The following MRPL37 variants were observed in gnomAD, a reference collection of about 807,000 sequenced individuals.
MRPL37 encodes the protein mitochondrial ribosomal protein L37, also known as large ribosomal subunit protein mL37.
In MRPL37, 34 loss-of-function variants were observed where a neutral mutation model predicts 44.1. The ratio of observed to expected loss-of-function variants is 0.77; its 90% confidence interval spans 0.59 to 1.03. The LOEUF (loss-of-function observed/expected upper bound fraction) is 1.03. MRPL37 is among the 50% of genes least tolerant of loss of function. MRPL37 has a pLI of 0.00. For synonymous variants in MRPL37, 212 were observed against 219.5 expected, an observed-to-expected ratio of 0.97 and a Z score of 0.30; for missense variants, 532 against 543.7, an observed-to-expected ratio of 0.98 and a Z score of 0.21.
downstream of MRPL37, chr1:54,225,070 A>T: frequency 1.6e-6 from 2 of 1,233,138 alleles, no homozygotes; most frequent in Non-Finnish European, 2.0e-6. Context: ...CCTGGCCGAT[A>T]GCGACTCCCC....
intron 3 of MRPL37, among the ~76,000 whole-genome samples, chr1:54,208,548 CAAAAAAA>C (rs57185627): frequency 4.2e-5 from 3 of 70,954 alleles, no homozygotes; most frequent in African/African-American, 6.2e-5. Flanking sequence ...GACTCCGTCT[CAAAAAAA>C]AAAAAAAAAA....
downstream of MRPL37, among the ~76,000 whole-genome samples, chr1:54,222,630 C>G (rs1489619008): frequency 6.6e-6 from 1 of 152,132 alleles, no homozygotes; most frequent in Non-Finnish European, 1.5e-5. Flanking sequence ...TTGTGGGTCC[C>G]TCCTATTCCC....
rs755591723 is a variant in MRPL37 at position 54,216,215 on chromosome 1, A to T, written c.1065A>T (p.Leu355=). Residue 355 remains leucine (L), a synonymous_variant, in exon 6 of 7, where the codon CTA becomes CTT. Coordinates refer to ENST00000360840, the MANE Select transcript of MRPL37 (RefSeq NM_016491.4). ...CGGATGGACGTGTCTTCCATTTCCT[A>T]GTGTTTCAACTGAATACCACAGACC... ...VGTDGRVFHF[L]VFQLNTTDLD... The T allele has an allele frequency of 3.1e-6, 5 of 1,614,124 alleles. 1 individual carries two copies. The Middle Eastern group carries it at 8.2e-4, about 266-fold the overall frequency.
chr1:54,218,259 C>T lies in MRPL37; in HGVS notation c.*10C>T, dbSNP rs763894770. 1 of 1,614,166 alleles carries T rather than the reference C, an allele frequency of 6.2e-7. No individual in the cohort carries two copies. ...GCATGGTGCTGCGTGAGCGGAGGAC[C>T]CCTCTGAATCCTGAAACCCCTCTTG... On this transcript the variant is annotated 3_prime_UTR_variant, in exon 7 of 7. Coordinates refer to ENST00000360840, the MANE Select transcript of MRPL37 (RefSeq NM_016491.4).
intron 6 of MRPL37, 117 bp downstream of exon 6, chr1:54,216,461 C>A: frequency 8.3e-7 from 1 of 1,200,274 alleles, no homozygotes; most frequent in Non-Finnish European, 1.2e-6. Flanking sequence ...CTGGGGACTT[C>A]CCACCCGGGA....
intron 3 of MRPL37, among the ~76,000 whole-genome samples, chr1:54,206,921 G>A (rs142943237): frequency 7.1e-6 from 1 of 141,420 alleles, no homozygotes; most frequent in Non-Finnish European, 1.5e-5. Context: ...GTGTGTGTGT[G>A]TGTGTATTTT....
intron 5 of MRPL37, among the ~76,000 whole-genome samples, chr1:54,215,139 C>A (rs192030732): frequency 8.6e-4 from 131 of 152,324 alleles, no homozygotes; most frequent in African/African-American, 3.1e-3. Context: ...TATGATTTAT[C>A]TCCCAAACTG....
At chr1:54,211,178 T>C (rs1644161979) in intron 4 of MRPL37, among the ~76,000 whole-genome samples, 1 of 152,172 alleles carries the variant, frequency 6.6e-6, no homozygotes, top group African/African-American at 2.4e-5. Context: ...AGAAATGCTT[T>C]GGGATCTTCC....
At chr1:54,203,467 CTTTTTTTTTTTT>C (rs780467512) in intron 1 of MRPL37, among the ~76,000 whole-genome samples, 1 of 98,874 alleles carries the variant, frequency 1.0e-5, no homozygotes, top group Non-Finnish European at 2.0e-5. Context: ...ACTTCATTTA[CTTTTTTTTTTTT>C]TTTTTTTTTT....
chr1:54,218,930 C>G (rs1306196931), downstream of MRPL37, among the ~76,000 whole-genome samples: 1 of 152,202 alleles, frequency 6.6e-6, no homozygotes, highest in Non-Finnish European at 1.5e-5. Flanking sequence ...CTGTTCTGGG[C>G]CCTAAGAAGA....
In MRPL37 at chr1:54,200,353, C is replaced by G. The variant is rs768836635; in HGVS notation, c.110C>G (p.Ser37Cys). Residue 37 changes from serine to cysteine, a missense_variant, in exon 1 of 7, where the codon TCC becomes TGC. Physicochemically the swap from Ser to Cys is moderately radical, Grantham distance 112. Transcript: ENST00000360840. ...RRGAYEWGVR[S>C]TRKSEPPPLD... ...GGGGCGTATGAGTGGGGCGTGCGCT[C>G]CACGCGGAAGTCGGAGCCTCCTCCC... 6.2e-7 allele frequency: 1 copy of G among 1,614,146 alleles called. No individual in the cohort carries two copies. Among genetic ancestry groups the G allele is most frequent in the Non-Finnish European group, 8.5e-7 (1 of 1,180,020 alleles).
chr1:54,216,443 C>T, intron 6 of MRPL37, 99 bp downstream of exon 6: 1 of 1,391,312 alleles, frequency 7.2e-7, no homozygotes, highest in Non-Finnish European at 9.9e-7. Context: ...GTGAGGAGAG[C>T]CCTGGCCCTG....
intron 1 of MRPL37, among the ~76,000 whole-genome samples, chr1:54,202,441 A>G (rs1012460021): frequency 1.1e-4 from 17 of 152,108 alleles, no homozygotes; most frequent in African/African-American, 2.2e-4. Flanking sequence ...CCCCCAAAGT[A>G]TCTTAAGCTC....
chr1:54,221,832 G>A (rs1644236805), downstream of MRPL37, among the ~76,000 whole-genome samples: 1 of 152,096 alleles, frequency 6.6e-6, no homozygotes, highest in South Asian at 2.1e-4. Flanking sequence ...TCCTTTGGGG[G>A]CAGCCCATTT....
rs765251544 is a variant in MRPL37 at position 54,205,218 on chromosome 1, AAAG to A, written c.530+22_530+24del. The A allele has an allele frequency of 7.5e-6, 12 of 1,607,850 alleles. No homozygotes were observed. The highest frequency in any genetic ancestry group is 4.4e-5 in the South Asian group (4 of 90,882). ...GACCTACTGGTAAGTTCCCCCAAGT[AAAG>A]AAGATTTCCTACTAATGGATCTTCG... is the stretch of plus-strand genomic sequence containing the variant. On this transcript the variant is annotated intron_variant, in intron 2 of 6. Transcript: ENST00000360840.
At chr1:54,223,216 G>A (rs527698434), downstream of MRPL37, among the ~76,000 whole-genome samples, 619 of 152,292 alleles carry the variant, frequency 4.1e-3, 4 homozygotes, top group African/African-American at 0.014. Context: ...TGAGCCCAGG[G>A]CTGGGCAGAG....
downstream of MRPL37, among the ~76,000 whole-genome samples, chr1:54,223,822 C>T (rs1210981612): frequency 6.6e-6 from 1 of 152,210 alleles, no homozygotes; most frequent in Non-Finnish European, 1.5e-5. Context: ...CAGTATCTTT[C>T]CACTGGCTCA....
rs1252519702 is a variant in MRPL37 at position 54,212,526 on chromosome 1, C to G, written c.858C>G (p.Pro286=). The change falls in exon 5 of 7, where the codon CCC becomes CCG. Residue 286 remains proline (P), a synonymous_variant. Coordinates refer to ENST00000360840, the MANE Select transcript of MRPL37 (RefSeq NM_016491.4). The part of the protein sequence containing the change: ...DTGFQEGYPY[P]YPHTLYLLDK... The stretch of plus-strand genomic sequence containing the variant: ...GATTCCAGGAAGGCTATCCTTACCC[C>G]TATCCCCATACCCTGTACTTACTGG... 1 of 1,614,204 alleles carries G rather than the reference C, an allele frequency of 6.2e-7. No individual in the cohort carries two copies. Among genetic ancestry groups the G allele is most frequent in the Admixed American group, 1.7e-5 (1 of 60,022 alleles).
chr1:54,221,723 C>T (rs1053402074), downstream of MRPL37, among the ~76,000 whole-genome samples: 1 of 152,204 alleles, frequency 6.6e-6, no homozygotes, highest in African/African-American at 2.4e-5. Context: ...CACGTGTACA[C>T]GAGACCCATG....
Sources: allele counts gnomAD v4.1 joint callset (sites outside exome capture counted in the v4.1 genomes callset), GRCh38; gene constraint gnomAD v4.1.1; transcripts MANE v1.5; gene names NCBI Gene and HGNC (gene_info 2026-07-23, HGNC 2026-07-21).